Variants in ARHGAP10 observed in about 807,000 individuals in gnomAD.
ARHGAP10 encodes Rho GTPase activating protein 10.
Under a neutral mutation model 108.6 loss-of-function variants are expected in ARHGAP10, and 87 were observed. The observed-to-expected ratio is 0.80, with a 90% CI of 0.67 to 0.96. The LOEUF (loss-of-function observed/expected upper bound fraction) is 0.96, where lower values mean the gene tolerates loss of function less well. ARHGAP10 is among the 40% of genes least tolerant of loss of function. ARHGAP10 has a pLI of 0.00. For synonymous variants in ARHGAP10, 347 were observed against 341.1 expected (o/e 1.02, Z -0.19); for missense variants, 939 against 954.5 (o/e 0.98, Z 0.21).
chr4:147,818,565 C>CA (rs5862813), intron 1 of ARHGAP10, among the ~76,000 whole-genome samples: 1,723 of 105,218 alleles, frequency 0.016, 37 homozygotes, highest in African/African-American at 0.056. Flanking sequence ...AAACTGTCAC[C>CA]AAAAAAAAAA....
chr4:147,888,376 TGTG>T (rs1300054119), intron 10 of ARHGAP10, among the ~76,000 whole-genome samples: 1 of 152,222 alleles, frequency 6.6e-6, no homozygotes, highest in Non-Finnish European at 1.5e-5. Flanking sequence ...ACAGTGTCGA[TGTG>T]GTGAATGGTG....
intron 18 of ARHGAP10, among the ~76,000 whole-genome samples, chr4:147,977,425 A>G (rs1319835235): frequency 1.3e-5 from 2 of 152,156 alleles, no homozygotes; most frequent in African/African-American, 4.8e-5. Context: ...TCTTTGTAAA[A>G]TAAAGCTTTT....
At position 148,068,714 on chromosome 4, in the gene ARHGAP10, G is replaced by A. The variant is rs1203896836; in HGVS notation, c.2273-3279G>A. Among the ~76,000 whole-genome samples, 33 of 152,224 alleles carry A rather than the reference G, an allele frequency of 2.2e-4. 1 individual carries two copies. The highest frequency in any genetic ancestry group is 2.2e-3 in the Admixed American group (33 of 15,290). ...GGGGTGGGAGATAGGACAGAGCCCA[G>A]GACGCAGCCTCCCTGTGGGTCCTGT... On this transcript the variant is annotated intron_variant, in intron 22 of 22. Coordinates refer to ENST00000336498, the MANE Select transcript of ARHGAP10 (RefSeq NM_024605.4).
Position 148,046,901 on chromosome 4 carries a change from C to G in ARHGAP10, c.1877C>G (p.Pro626Arg), listed in dbSNP as rs776884126. ...LCLELEDGDN[P>R]YPSKEDTPTS... ...CTTTTTTTCCTCCTAGGTGACAATC[C>G]TTACCCTTCCAAGGAGGACACCCCT... Residue 626 changes from proline (P) to arginine (R), a missense_variant, in exon 20 of 23, where the codon CCT becomes CGT. Pro to Arg is a moderately radical substitution (Grantham distance 103). Transcript: ENST00000336498. 3 of 1,613,488 alleles carry G rather than the reference C, an allele frequency of 1.9e-6. No individual in the cohort carries two copies. Among genetic ancestry groups the G allele is most frequent in the Non-Finnish European group, 2.5e-6 (3 of 1,179,776 alleles).
chr4:147,968,578 T>A (rs904713894), intron 18 of ARHGAP10, among the ~76,000 whole-genome samples: 2 of 152,222 alleles, frequency 1.3e-5, no homozygotes, highest in African/African-American at 4.8e-5. Context: ...AAATGAATAA[T>A]CTCTTAAGTG....
chr4:147,936,227 G>T (rs183252818), intron 13 of ARHGAP10, among the ~76,000 whole-genome samples: 1 of 151,850 alleles, frequency 6.6e-6, no homozygotes, highest in East Asian at 1.9e-4. Context: ...CCTGTATCGG[G>T]CTCAAAAGGT....
intron 3 of ARHGAP10, among the ~76,000 whole-genome samples, chr4:147,831,098 T>C (rs1393325984): frequency 6.6e-6 from 1 of 152,236 alleles, no homozygotes; most frequent in Non-Finnish European, 1.5e-5. Flanking sequence ...CATGAAACTC[T>C]CCAGGTGATT....
intron 16 of ARHGAP10, among the ~76,000 whole-genome samples, chr4:147,958,972 A>G: frequency 6.6e-6 from 1 of 152,102 alleles, no homozygotes; most frequent in Non-Finnish European, 1.5e-5. Context: ...GGCATATTTC[A>G]AGAATTTGGT....
chr4:148,004,921 G>A (rs1469450382), intron 18 of ARHGAP10, among the ~76,000 whole-genome samples: 2 of 152,170 alleles, frequency 1.3e-5, no homozygotes, highest in East Asian at 3.8e-4. Flanking sequence ...TAAGCATTTT[G>A]TTTTCAGCTG....
chr4:147,777,040 GGCA>G (rs1239728226), intron 1 of ARHGAP10, among the ~76,000 whole-genome samples: 11 of 152,258 alleles, frequency 7.2e-5, no homozygotes, highest in African/African-American at 2.4e-4. Flanking sequence ...GGCGTGTCCT[GGCA>G]GCAGAAAATA....
chr4:147,868,774 A>G (rs1734674941), intron 7 of ARHGAP10, among the ~76,000 whole-genome samples: 1 of 152,106 alleles, frequency 6.6e-6, no homozygotes, highest in Non-Finnish European at 1.5e-5. Context: ...ATCTAGATCC[A>G]CGTGCGCAGT....
intron 6 of ARHGAP10, 29 bp from the exon 7 acceptor site, chr4:147,866,683 C>A: frequency 6.5e-7 from 1 of 1,530,084 alleles, no homozygotes; most frequent in Non-Finnish European, 9.0e-7. Flanking sequence ...TTTTTTTGTG[C>A]TAATATCTCT....
intron 18 of ARHGAP10, among the ~76,000 whole-genome samples, chr4:147,989,691 T>C (rs1363667816): frequency 6.6e-6 from 1 of 152,250 alleles, no homozygotes; most frequent in Non-Finnish European, 1.5e-5. Context: ...ACAATTGCTC[T>C]TATCTTGTTC....
chr4:147,950,597 G>A (rs1033042697), intron 15 of ARHGAP10, among the ~76,000 whole-genome samples: 7 of 152,172 alleles, frequency 4.6e-5, no homozygotes, highest in Admixed American at 6.5e-5. Flanking sequence ...AAGCCCCAAA[G>A]CACCAAACTA....
chr4:147,736,672 A>C (rs184798891), intron 1 of ARHGAP10, among the ~76,000 whole-genome samples: 1 of 152,336 alleles, frequency 6.6e-6, no homozygotes, highest in East Asian at 1.9e-4. Context: ...AGGGGAAGGC[A>C]TTTCAGGGTA....
At chr4:147,862,584 A>G (rs1186012988) in intron 5 of ARHGAP10, 5 of 152,268 alleles carry the variant, frequency 3.3e-5, no homozygotes, top group Admixed American at 1.3e-4. Context: ...TGCTGCCATC[A>G]TTGCCAGTAA....
intron 3 of ARHGAP10, among the ~76,000 whole-genome samples, chr4:147,832,508 G>T (rs1325583555): frequency 6.6e-6 from 1 of 151,602 alleles, no homozygotes; most frequent in African/African-American, 2.4e-5. Flanking sequence ...TTAGCCAGTC[G>T]TGGTGGCGGG....
At chr4:147,914,955 G>A (rs1267904143) in intron 13 of ARHGAP10, among the ~76,000 whole-genome samples, 1 of 152,010 alleles carries the variant, frequency 6.6e-6, no homozygotes, top group Admixed American at 6.6e-5. Flanking sequence ...TATTTCTGGA[G>A]GTTGACATTC....
intron 10 of ARHGAP10, among the ~76,000 whole-genome samples, chr4:147,891,597 T>TA (rs1735798021): frequency 6.6e-6 from 1 of 152,188 alleles, no homozygotes; most frequent in African/African-American, 2.4e-5. Context: ...TGTCAGTGGG[T>TA]AAGTTTTATG....
Sources: gnomAD v4.1 joint callset for allele counts (sites outside exome capture counted in the v4.1 genomes callset) on GRCh38, gnomAD v4.1.1 for gene constraint, MANE v1.5 for transcripts, NCBI Gene and HGNC (gene_info 2026-07-23, HGNC 2026-07-21) for gene names.